Variants in CDK17 observed in about 807,000 individuals in gnomAD.
The protein encoded by CDK17 is cyclin dependent kinase 17, also known as cyclin-dependent kinase 17.
CDK17 carries 24 observed loss-of-function variants against 77.6 expected under a neutral mutation model. The observed-to-expected ratio is 0.31, with a 90% CI of 0.22 to 0.44. The LOEUF is 0.44. Among genes scored for constraint, CDK17 ranks in the 20% least tolerant of loss-of-function variants. The probability of loss-of-function intolerance (pLI) is 1.00; values close to 1 mark genes in which losing one functional copy is unlikely to be tolerated. For missense variants in CDK17, 429 were observed against 622.5 expected, an observed-to-expected ratio of 0.69 and a Z score of 3.31; for synonymous variants, 203 against 210.4, an observed-to-expected ratio of 0.96 and a Z score of 0.30.
At chr12:96,373,429 C>T (rs992063038) in intron 1 of CDK17, among the ~76,000 whole-genome samples, 2 of 151,694 alleles carry the variant, frequency 1.3e-5, no homozygotes, top group African/African-American at 4.8e-5. Context: ...CCCGTCTCTA[C>T]TAAAAATACA....
At position 96,280,128 on chromosome 12, in the gene CDK17, A is replaced by G; in HGVS notation, c.*114T>C. On this transcript the variant is annotated 3_prime_UTR_variant, in exon 17 of 17. Transcript: ENST00000261211. Reference sequence around the variant, plus strand: ...ATAAAAAGACTCCACTGTGAAGAGGACAGTGTAGACAAACGGAGATTCCAA... The same window carrying G: ...ATAAAAAGACTCCACTGTGAAGAGGGCAGTGTAGACAAACGGAGATTCCAA... 9.9e-7 allele frequency: 1 copy of G among 1,010,362 alleles called. No individual in the cohort carries two copies. Among genetic ancestry groups the G allele is most frequent in the Non-Finnish European group, 1.4e-6 (1 of 697,218 alleles). The allele number at this position is 1,010,362 out of a possible 1,614,324, so 62.6% of individuals were successfully genotyped here.
At chr12:96,367,763 T>C (rs1340304550) in intron 1 of CDK17, among the ~76,000 whole-genome samples, 1 of 151,160 alleles carries the variant, frequency 6.6e-6, no homozygotes, top group Admixed American at 6.6e-5. Flanking sequence ...ATTCCTATAA[T>C]CCCAGCACTT....
At chr12:96,338,396 T>C (rs931902166) in intron 1 of CDK17, among the ~76,000 whole-genome samples, 1 of 152,162 alleles carries the variant, frequency 6.6e-6, no homozygotes, top group Non-Finnish European at 1.5e-5. Flanking sequence ...GTTCTATGAG[T>C]CCTTCGAGCA....
At chr12:96,300,044 T>C (rs2137085632) in intron 6 of CDK17, among the ~76,000 whole-genome samples, 1 of 152,340 alleles carries the variant, frequency 6.6e-6, no homozygotes, top group African/African-American at 2.4e-5. Flanking sequence ...TACTTTGTTA[T>C]TAAGAAAACA....
intron 3 of CDK17, among the ~76,000 whole-genome samples, chr12:96,316,355 G>C (rs917074242): frequency 6.6e-6 from 1 of 151,358 alleles, no homozygotes; most frequent in South Asian, 2.1e-4. Context: ...AGATCAAACC[G>C]CAAGGCGGCA....
rs373278384 is a variant in CDK17, at chr12:96,298,818, G to A, written c.715+51C>T. The A allele has an allele frequency of 1.2e-4, 115 of 937,370 alleles. No individual in the cohort carries two copies. In the African/African-American group the frequency reaches 1.7e-3, roughly 14 times the overall value. 58.1% of individuals were successfully genotyped at this position (937,370 alleles called of 1,614,324 possible). A position where few individuals can be genotyped will look rare whatever the true frequency, so the allele number is the denominator to read the frequency against. Reference sequence around the variant, plus strand: ...GAGCTCTTTTTACTTATAAAAAATAGACACTTATTCCACCACTTTGATTTT... The same window carrying A: ...GAGCTCTTTTTACTTATAAAAAATAAACACTTATTCCACCACTTTGATTTT... On this transcript the variant is annotated intron_variant, in intron 7 of 16. Transcript: ENST00000261211.
chr12:96,290,354 CA>C (rs1324973439), intron 10 of CDK17, among the ~76,000 whole-genome samples: 1 of 152,018 alleles, frequency 6.6e-6, no homozygotes, highest in Non-Finnish European at 1.5e-5. Context: ...TTTGCCAAAA[CA>C]AGGAAGAATT....
intron 10 of CDK17, 42 bp downstream of exon 10, chr12:96,294,957 T>C (rs1394219959): frequency 1.3e-6 from 2 of 1,546,632 alleles, no homozygotes; most frequent in Admixed American, 3.9e-5. Flanking sequence ...CATTACACTT[T>C]AGAACCTGGA....
At chr12:96,282,143 C>T (rs1051379917) in intron 15 of CDK17, 9 of 166,964 alleles carry the variant, frequency 5.4e-5, no homozygotes, top group Admixed American at 2.5e-4. Flanking sequence ...ATTTATGTTT[C>T]GGTTATGCTT....
chr12:96,366,030 G>A (rs1461627189), intron 1 of CDK17, among the ~76,000 whole-genome samples: 2 of 152,094 alleles, frequency 1.3e-5, no homozygotes, highest in Non-Finnish European at 2.9e-5. Flanking sequence ...ACAAATTCCA[G>A]ACTCAATTCC....
At chr12:96,333,301 T>C (rs1326824227) in intron 2 of CDK17, among the ~76,000 whole-genome samples, 1 of 152,110 alleles carries the variant, frequency 6.6e-6, no homozygotes, top group African/African-American at 2.4e-5. Context: ...CCCTCCTACA[T>C]ATAATTCTAT....
chr12:96,390,708 CAAAAAAAAAAAA>C (rs71097285), intron 1 of CDK17, among the ~76,000 whole-genome samples: 1 of 43,534 alleles, frequency 2.3e-5, no homozygotes, highest in Non-Finnish European at 4.3e-5. Context: ...GACTCCATCT[CAAAAAAAAAAAA>C]AAAAAAAAGA....
chr12:96,279,645 G>A lies in CDK17; in HGVS notation c.*597C>T, dbSNP rs976983919. On this transcript the variant is annotated 3_prime_UTR_variant, in exon 17 of 17. Transcript: ENST00000261211. ...TTCTGCATCACATGCTTATCTAAACGTAATGTGCTTGTCAATCTCTTAGCT... is the reference window on the plus strand; with the variant it reads ...TTCTGCATCACATGCTTATCTAAACATAATGTGCTTGTCAATCTCTTAGCT... 2 of 152,362 alleles carry A rather than the reference G, an allele frequency of 1.3e-5. No homozygotes were observed. Among genetic ancestry groups the A allele is most frequent in the Admixed American group, 6.5e-5 (1 of 15,272 alleles). The allele number at this position is 152,362 out of a possible 1,614,324, so 9.4% of individuals were successfully genotyped here.
At chr12:96,330,823 C>A (rs1952956032) in intron 2 of CDK17, among the ~76,000 whole-genome samples, 1 of 152,138 alleles carries the variant, frequency 6.6e-6, no homozygotes, top group African/African-American at 2.4e-5. Context: ...TATTTGTGTA[C>A]AAGACTTTGA....
At chr12:96,362,022 T>G (rs568655713) in intron 1 of CDK17, among the ~76,000 whole-genome samples, 1 of 152,222 alleles carries the variant, frequency 6.6e-6, no homozygotes, top group African/African-American at 2.4e-5. Flanking sequence ...CTGTAATAGT[T>G]GACTTTTTAT....
intron 1 of CDK17, among the ~76,000 whole-genome samples, chr12:96,370,296 A>G (rs1321981150): frequency 6.6e-6 from 1 of 152,212 alleles, no homozygotes; most frequent in Non-Finnish European, 1.5e-5. Context: ...TACCCATTTT[A>G]CAAAAGAGGA....
intron 5 of CDK17, among the ~76,000 whole-genome samples, chr12:96,308,892 G>A (rs1312524195): frequency 1.3e-5 from 2 of 151,984 alleles, no homozygotes; most frequent in East Asian, 1.9e-4. Context: ...TAGGATTTAT[G>A]TTCTGCTTTC....
rs148227595 is a variant in CDK17, at chr12:96,392,925, CATTAA to C, written c.-30+7056_-30+7060del. ...TATCTTATATGTTACAATATTGCCA[CATTAA>C]ATTATATTGTTACAACACAGATAAC... On this transcript the variant is annotated intron_variant, in intron 1 of 16. Transcript: ENST00000261211. Among the ~76,000 whole-genome samples, 265 of 152,274 alleles carry C rather than the reference CATTAA, an allele frequency of 1.7e-3. 7 individuals carry two copies. The East Asian group carries it at 0.049, about 28-fold the overall frequency.
intron 2 of CDK17, among the ~76,000 whole-genome samples, chr12:96,330,897 C>A (rs1321472747): frequency 6.6e-6 from 1 of 152,062 alleles, no homozygotes; most frequent in Non-Finnish European, 1.5e-5. Flanking sequence ...TATAGTAAGT[C>A]TATGTTTAAC....
Sources: gnomAD v4.1 joint callset for allele counts (sites outside exome capture counted in the v4.1 genomes callset) on GRCh38, gnomAD v4.1.1 for gene constraint, MANE v1.5 for transcripts, NCBI Gene and HGNC (gene_info 2026-07-23, HGNC 2026-07-21) for gene names.